Variants in PSRC1 observed in about 807,000 individuals in gnomAD.
PSRC1 encodes proline/serine-rich coiled-coil protein 1.
PSRC1 carries 30 observed loss-of-function variants against 31.9 expected under a neutral mutation model. The observed-to-expected ratio is 0.94, with a 90% CI of 0.70 to 1.28. The LOEUF is 1.28. PSRC1 is among the 50% of genes most tolerant of loss of function. The pLI is 0.00. For missense variants in PSRC1, 481 were observed against 472.8 expected (o/e 1.02, Z -0.16); for synonymous variants, 191 against 192.1 (o/e 0.99, Z 0.05).
rs1423115679 is a variant in PSRC1 at position 109,280,236 on chromosome 1, C to T, written c.1089-80G>A. 3.9e-6 allele frequency: 6 copies of T among 1,552,068 alleles called. No individual in the cohort carries two copies. In the African/African-American group the frequency reaches 8.1e-5, roughly 21 times the overall value. On this transcript the variant is annotated intron_variant, in intron 6 of 6. Coordinates refer to ENST00000409138, the Ensembl canonical transcript of PSRC1. ...TTGTCACCCAGCAGAATTCAAGCTC[C>T]TCAGGGTGGGAAGAAATGGGATCCC...
rs1657427214 is a variant in PSRC1, at chr1:109,282,916, C to T, written c.-34+158G>A. ...CGATACGGAGGGCTCCCCCAACTGCCCAGATTGCCCTGGAGCCGCCCTGCA... is the reference window on the plus strand; with the variant it reads ...CGATACGGAGGGCTCCCCCAACTGCTCAGATTGCCCTGGAGCCGCCCTGCA... On this transcript the variant is annotated intron_variant, in intron 1 of 6. Transcript: ENST00000409138. The T allele has an allele frequency of 1.1e-5, 7 of 624,970 alleles. No individual in the cohort carries two copies. The South Asian group carries it at 1.4e-4, about 12-fold the overall frequency. 38.7% of individuals were successfully genotyped at this position (624,970 alleles called of 1,614,324 possible). A position where few individuals can be genotyped will look rare whatever the true frequency, so the allele number is the denominator to read the frequency against.
intron 1 of PSRC1, 90 bp downstream of exon 1, chr1:109,282,973 A>C (rs2101418461): frequency 7.0e-6 from 4 of 567,698 alleles, no homozygotes; most frequent in South Asian, 2.1e-5. Flanking sequence ...GGCGGCCTGC[A>C]CGCCCCATCT....
At chr1:109,281,866 C>T in exon 4 of PSRC1, 2 of 1,613,520 alleles carry the variant, frequency 1.2e-6, no homozygotes, top group Non-Finnish European at 1.7e-6. Flanking sequence ...CTGCAGGGCA[C>T]ACTGCTCCAG....
rs1313476309 is a variant in PSRC1, at chr1:109,282,668, T to C, written c.19+12A>G. ...CTCCTCCCTTTCATTCTTCCCTCCC[T>C]CCTTTCCTTACCTTCCTCCAAATCC... On this transcript the variant is annotated intron_variant, in intron 2 of 6. Coordinates refer to ENST00000409138, the Ensembl canonical transcript of PSRC1. The C allele has an allele frequency of 6.4e-7, 1 of 1,566,236 alleles. No individual in the cohort carries two copies. Among genetic ancestry groups the C allele is most frequent in the Non-Finnish European group, 8.7e-7 (1 of 1,154,178 alleles).
In PSRC1 at chr1:109,282,506, A is replaced by G; in HGVS notation, c.77+12T>C. On this transcript the variant is annotated intron_variant, in intron 3 of 6. Transcript: ENST00000409138. ...TGTTAGAGGAAAATAAGTGGGATAAAGAGGCTGGTACCTGTCAGATGGTGA... is the reference window on the plus strand; with the variant it reads ...TGTTAGAGGAAAATAAGTGGGATAAGGAGGCTGGTACCTGTCAGATGGTGA... 4.3e-6 allele frequency: 7 copies of G among 1,611,576 alleles called. No homozygotes were observed. Among genetic ancestry groups the G allele is most frequent in the Non-Finnish European group, 5.9e-6 (7 of 1,178,208 alleles).
At chr1:109,280,020 C>T (rs1439467515) in exon 7 of PSRC1, 2 of 1,178,740 alleles carry the variant, frequency 1.7e-6, no homozygotes, top group East Asian at 2.3e-5. Context: ...CCTGGGAGAC[C>T]AGCCCTGGTG....
chr1:109,280,135 C>T lies in PSRC1; in HGVS notation c.*18G>A, dbSNP rs758620142. ...GTAGTGGTTTGCTACTGAAGTCTTG[C>T]TTGCTGTCCTGATCTCTTTACCTAA... On this transcript the variant is annotated 3_prime_UTR_variant, in exon 7 of 7. Coordinates refer to ENST00000409138, the Ensembl canonical transcript of PSRC1. 3 of 1,614,116 alleles carry T rather than the reference C, an allele frequency of 1.9e-6. No homozygotes were observed. The Admixed American group carries it at 5.0e-5, about 27-fold the overall frequency.
chr1:109,281,389 A>G lies in PSRC1; in HGVS notation c.520-138T>C, dbSNP rs1038191020. 1.3e-5 allele frequency: 10 copies of G among 788,186 alleles called. 1 individual carries two copies. Among genetic ancestry groups the G allele is most frequent in the Middle Eastern group, 5.9e-4 (2 of 3,386 alleles). 48.8% of individuals were successfully genotyped at this position (788,186 alleles called of 1,614,324 possible). A position where few individuals can be genotyped will look rare whatever the true frequency, so the allele number is the denominator to read the frequency against. ...GTAGAAGTTAGCTGCTAACATCACC[A>G]CATCACCATCACCATCACTATTGCC... On this transcript the variant is annotated intron_variant, in intron 4 of 6. Transcript: ENST00000409138.
intron 1 of PSRC1, 86 bp from the exon 2 acceptor site, chr1:109,282,822 C>T: frequency 7.3e-7 from 1 of 1,365,584 alleles, no homozygotes; most frequent in Non-Finnish European, 1.0e-6. Context: ...GGTCGGGGGT[C>T]ATGCTGGAGG....
At chr1:109,279,983 T>A (rs768310276) in exon 7 of PSRC1, 1 of 809,980 alleles carries the variant, frequency 1.2e-6, no homozygotes, top group East Asian at 2.4e-5. Flanking sequence ...TCAATCCTAA[T>A]CCACCCCATT....
At chr1:109,281,692 C>T (rs775268663) in exon 4 of PSRC1, 15 of 1,613,964 alleles carry the variant, frequency 9.3e-6, no homozygotes, top group African/African-American at 5.3e-5. Context: ...ATCATTACTC[C>T]GGAGTCGAGG....
chr1:109,282,023 C>T (rs1657235775), exon 4 of PSRC1: 3 of 1,506,942 alleles, frequency 2.0e-6, no homozygotes, highest in South Asian at 2.7e-5. Context: ...AGTGGTTTCT[C>T]TGGAGTCACC....
chr1:109,282,316 C>T, intron 3 of PSRC1: 4 of 620,188 alleles, frequency 6.4e-6, no homozygotes, highest in South Asian at 5.9e-5. Context: ...TTCTTCTTAA[C>T]ACCCTGAAAT....
At chr1:109,282,518 C>A in exon 3 of PSRC1, 1 of 1,613,484 alleles carries the variant, frequency 6.2e-7, no homozygotes, top group South Asian at 1.1e-5. Context: ...AGGCTGGTAC[C>A]TGTCAGATGG....
At chr1:109,282,958 C>T in intron 1 of PSRC1, 105 bp downstream of exon 1, 1 of 588,450 alleles carries the variant, frequency 1.7e-6, no homozygotes, top group Non-Finnish European at 3.0e-6. Flanking sequence ...CCTCTCCTCA[C>T]TGGGGGCGGC....
exon 4 of PSRC1, chr1:109,281,641 T>C: frequency 6.2e-7 from 1 of 1,612,760 alleles, no homozygotes; most frequent in Non-Finnish European, 8.5e-7. Flanking sequence ...GGAGGGCCTC[T>C]TTCCAGATGT....
intron 3 of PSRC1, 127 bp from the exon 4 acceptor site, chr1:109,282,187 G>T: frequency 1.2e-6 from 1 of 864,020 alleles, no homozygotes; most frequent in Non-Finnish European, 1.7e-6. Context: ...GCCCATGCTG[G>T]CTGTGAGATG....
At chr1:109,280,308 A>G (rs1656832068) in intron 6 of PSRC1, 88 bp downstream of exon 7, 13 of 1,435,816 alleles carry the variant, frequency 9.1e-6, no homozygotes, top group Non-Finnish European at 1.2e-5. Context: ...TTTCCATACA[A>G]AATTCAGGGC....
At chr1:109,282,964 G>C in intron 1 of PSRC1, 99 bp downstream of exon 1, 1 of 583,194 alleles carries the variant, frequency 1.7e-6, no homozygotes, top group Non-Finnish European at 3.0e-6. Flanking sequence ...CTCACTGGGG[G>C]CGGCCTGCAC....
Sources: allele counts gnomAD v4.1 joint callset, GRCh38; gene constraint gnomAD v4.1.1; transcripts MANE v1.5; gene names NCBI Gene and HGNC (gene_info 2026-07-23, HGNC 2026-07-21).